The following PDE12 variants were observed in gnomAD, a reference collection of about 807,000 sequenced individuals.
PDE12 encodes 2',5'-phosphodiesterase 12.
In PDE12, 26 loss-of-function variants were observed where a neutral mutation model predicts 45.4. That is an observed-to-expected ratio of 0.57 (90% confidence interval 0.42 to 0.79). The LOEUF (loss-of-function observed/expected upper bound fraction) is 0.79. Among genes scored for constraint, PDE12 ranks in the 30% least tolerant of loss-of-function variants. The pLI, the probability that PDE12 is intolerant of heterozygous loss-of-function variation, is 0.00. For synonymous variants in PDE12, 283 were observed against 323.9 expected (o/e 0.87, Z 1.36); for missense variants, 668 against 790.0 (o/e 0.85, Z 1.85).
At chr3:57,601,911 A>AT in the PDE12 span, among the ~76,000 whole-genome samples, 372 of 138,532 alleles carry the variant, frequency 2.7e-3, 1 homozygote, top group Admixed American at 4.0e-3. Context: ...CACCCGGCTA[A>AT]TTTTTTTTTT....
At chr3:57,654,840 C>A in the PDE12 span, 1 of 913,938 alleles carries the variant, frequency 1.1e-6, no homozygotes, top group Non-Finnish European at 1.3e-6. Context: ...AAATCTATCA[C>A]CTTCAATATA....
At chr3:57,602,943 T>C in the PDE12 span, among the ~76,000 whole-genome samples, 3 of 150,876 alleles carry the variant, frequency 2.0e-5, no homozygotes, top group Non-Finnish European at 2.9e-5. Context: ...CCCAGCACTT[T>C]GGGAGGCCAA....
At chr3:57,616,678 C>T in the PDE12 span, among the ~76,000 whole-genome samples, 1 of 152,090 alleles carries the variant, frequency 6.6e-6, no homozygotes, top group Admixed American at 6.6e-5. Context: ...CACAAACTTC[C>T]AACTCATTCT....
chr3:57,593,555 A>C, the PDE12 span, among the ~76,000 whole-genome samples: 2 of 152,242 alleles, frequency 1.3e-5, no homozygotes, highest in Non-Finnish European at 1.5e-5. Flanking sequence ...TGATATCAGC[A>C]AACTTTTTAA....
At chr3:57,611,756 G>A in the PDE12 span, among the ~76,000 whole-genome samples, 1 of 152,184 alleles carries the variant, frequency 6.6e-6, no homozygotes. Flanking sequence ...AGAGGATGTG[G>A]AGAAATAGGA....
At chr3:57,610,084 G>A in the PDE12 span, among the ~76,000 whole-genome samples, 8 of 152,044 alleles carry the variant, frequency 5.3e-5, no homozygotes, top group South Asian at 2.1e-4. Context: ...TTCAACATAC[G>A]CAAATCAGTA....
At chr3:57,628,081 T>G in the PDE12 span, 1 of 1,315,412 alleles carries the variant, frequency 7.6e-7, no homozygotes, top group Non-Finnish European at 1.0e-6. Context: ...ATACAGTCTT[T>G]CTACCCTGTA....
the PDE12 span, among the ~76,000 whole-genome samples, chr3:57,616,909 A>G: frequency 1.3e-5 from 2 of 152,118 alleles, no homozygotes; most frequent in South Asian, 4.2e-4. Flanking sequence ...CTGTAGTCCC[A>G]GCTACTCAAG....
At chr3:57,649,994 G>A in the PDE12 span, among the ~76,000 whole-genome samples, 20 of 151,856 alleles carry the variant, frequency 1.3e-4, 1 homozygote, top group South Asian at 1.9e-3. Flanking sequence ...CATTCAGAGC[G>A]CCCTAGATGG....
chr3:57,626,138 G>T, the PDE12 span: 1 of 152,502 alleles, frequency 6.6e-6, no homozygotes, highest in Non-Finnish European at 1.5e-5. Flanking sequence ...CAAGGCAAAC[G>T]ATTTCTTTCA....
the PDE12 span, among the ~76,000 whole-genome samples, chr3:57,587,261 G>A: frequency 6.8e-6 from 1 of 147,922 alleles, no homozygotes; most frequent in Admixed American, 6.9e-5. Flanking sequence ...GGATGTTGCA[G>A]TGAGCCGAGA....
At chr3:57,576,188 T>C in the PDE12 span, among the ~76,000 whole-genome samples, 2 of 152,168 alleles carry the variant, frequency 1.3e-5, no homozygotes, top group South Asian at 2.1e-4. Flanking sequence ...TGATGCAATA[T>C]AGACGAACCC....
At chr3:57,589,314 GC>G in the PDE12 span, among the ~76,000 whole-genome samples, 2 of 152,024 alleles carry the variant, frequency 1.3e-5, no homozygotes, top group African/African-American at 4.8e-5. Context: ...TATATTCCCA[GC>G]TACGTGGGAG....
At chr3:57,573,932 T>G in the PDE12 span, among the ~76,000 whole-genome samples, 1 of 150,716 alleles carries the variant, frequency 6.6e-6, no homozygotes, top group African/African-American at 2.5e-5. Flanking sequence ...GGCAATAGGT[T>G]GTTTTTTTTT....
rs1435265117 is a variant in PDE12 at position 57,566,671 on chromosome 3, AT to A, written c.*6669del. ...GCATCCTAGTGTCAAGTGGCATCTT[AT>A]TGTGGTTTTGATTTGCATTTCCATG... On this transcript the variant is annotated 3_prime_UTR_variant, in exon 3 of 3. Transcript: ENST00000311180. The A allele has an allele frequency of 6.6e-6, 1 of 152,088 alleles. No homozygotes were observed. Among genetic ancestry groups the A allele is most frequent in the Non-Finnish European group, 1.5e-5 (1 of 68,006 alleles). 9.4% of individuals were successfully genotyped at this position (152,088 alleles called of 1,614,324 possible).
the PDE12 span, among the ~76,000 whole-genome samples, chr3:57,641,276 ATATATATTTAAATAT>A: frequency 3.5e-5 from 5 of 143,920 alleles, no homozygotes; most frequent in Admixed American, 2.2e-4. Context: ...TTATATTAAA[ATATATATTTAAATAT>A]TATATATTTA....
downstream of PDE12, among the ~76,000 whole-genome samples, chr3:57,569,448 G>A (rs1004111192): frequency 6.6e-6 from 1 of 152,028 alleles, no homozygotes; most frequent in African/African-American, 2.4e-5. Flanking sequence ...CACCTCCCAG[G>A]TTCAAGCAAT....
the PDE12 span, among the ~76,000 whole-genome samples, chr3:57,652,214 G>GTCATACGGGACACTGTGGCT: frequency 6.6e-6 from 1 of 152,198 alleles, no homozygotes; most frequent in Admixed American, 6.5e-5. Context: ...TGAAGGCTGA[G>GTCATACGGGACACTGTGGCT]TCATACGGGA....
chr3:57,626,788 C>A, the PDE12 span: 2 of 152,292 alleles, frequency 1.3e-5, no homozygotes, highest in African/African-American at 2.4e-5. Context: ...AAATCACATT[C>A]TTCTATTTTT....
Sources: gnomAD v4.1 joint callset for allele counts (sites outside exome capture counted in the v4.1 genomes callset) on GRCh38, gnomAD v4.1.1 for gene constraint, MANE v1.5 for transcripts, NCBI Gene and HGNC (gene_info 2026-07-23, HGNC 2026-07-21) for gene names.